The following DOCK3 variants were observed in gnomAD, a reference collection of about 807,000 sequenced individuals.
DOCK3 encodes the protein dedicator of cytokinesis protein 3.
In DOCK3, 60 loss-of-function variants were observed where a neutral mutation model predicts 265.6. The observed-to-expected ratio is 0.23, with a 90% CI of 0.18 to 0.28. DOCK3 has a LOEUF of 0.28. DOCK3 is among the 10% of genes least tolerant of loss of function. The pLI, the probability that DOCK3 is intolerant of heterozygous loss-of-function variation, is 1.00. For missense variants in DOCK3, 1,981 were observed against 2,594.3 expected (o/e 0.76, Z 5.14); for synonymous variants, 881 against 938.0 (o/e 0.94, Z 1.11).
At chr3:51,115,641 A>G (rs1364065908) in intron 9 of DOCK3, among the ~76,000 whole-genome samples, 1 of 152,094 alleles carries the variant, frequency 6.6e-6, no homozygotes, top group African/African-American at 2.4e-5. Context: ...GAAGCTCTTT[A>G]GCTTAATTAG....
intron 12 of DOCK3, among the ~76,000 whole-genome samples, chr3:51,205,028 AG>A (rs2089094548): frequency 7.3e-6 from 1 of 137,636 alleles, no homozygotes; most frequent in Admixed American, 7.1e-5. Context: ...GGGTGGGGGT[AG>A]GGGGGAGGGA....
At chr3:51,353,962 C>T (rs770790622) in intron 40 of DOCK3, among the ~76,000 whole-genome samples, 7 of 152,184 alleles carry the variant, frequency 4.6e-5, no homozygotes, top group Non-Finnish European at 1.0e-4. Context: ...GCAGAGCAAG[C>T]AGAGTTGGGG....
At chr3:51,084,024 A>C (rs1343808906) in intron 7 of DOCK3, among the ~76,000 whole-genome samples, 4 of 152,156 alleles carry the variant, frequency 2.6e-5, no homozygotes, top group Non-Finnish European at 4.4e-5. Context: ...CTGAATCTGA[A>C]GACAGGTTTT....
intron 1 of DOCK3, among the ~76,000 whole-genome samples, chr3:50,695,074 A>G (rs2035525717): frequency 1.3e-5 from 2 of 152,204 alleles, no homozygotes; most frequent in South Asian, 2.1e-4. Context: ...AAATAATGCA[A>G]TCTTTTTAGA....
intron 12 of DOCK3, among the ~76,000 whole-genome samples, chr3:51,191,756 G>T (rs535606497): frequency 6.6e-6 from 1 of 151,864 alleles, no homozygotes; most frequent in East Asian, 2.0e-4. Flanking sequence ...TGGAAGAGAC[G>T]TGCTGACACT....
At chr3:51,259,624 T>C (rs1468388198) in intron 22 of DOCK3, among the ~76,000 whole-genome samples, 3 of 152,220 alleles carry the variant, frequency 2.0e-5, no homozygotes, top group African/African-American at 7.2e-5. Flanking sequence ...CTGTGCAGCC[T>C]GGGACAGGTT....
At chr3:51,237,700 A>T (rs556672641) in intron 21 of DOCK3, 110 bp downstream of exon 21, 2 of 929,854 alleles carry the variant, frequency 2.2e-6, no homozygotes, top group Non-Finnish European at 1.6e-6. Context: ...CTTTTTAAAA[A>T]TTTTATATTT....
intron 1 of DOCK3, among the ~76,000 whole-genome samples, chr3:50,707,252 A>T (rs542077338): frequency 1.8e-4 from 28 of 151,838 alleles, no homozygotes; most frequent in African/African-American, 6.8e-4. Context: ...CCTGGCCAAC[A>T]CGGTAAAACC....
At chr3:51,372,336 G>A (rs1024636648) in intron 49 of DOCK3, among the ~76,000 whole-genome samples, 2 of 152,348 alleles carry the variant, frequency 1.3e-5, no homozygotes, top group Admixed American at 6.5e-5. Flanking sequence ...CCATGGGATT[G>A]GCTGCCCAGG....
intron 4 of DOCK3, among the ~76,000 whole-genome samples, chr3:50,907,396 T>G (rs1007142865): frequency 6.6e-6 from 1 of 152,072 alleles, no homozygotes; most frequent in African/African-American, 2.4e-5. Flanking sequence ...CTAAGTCTCT[T>G]TGTAGGTCTC....
At chr3:50,683,531 T>C (rs2034558429) in intron 1 of DOCK3, among the ~76,000 whole-genome samples, 1 of 152,232 alleles carries the variant, frequency 6.6e-6, no homozygotes, top group Non-Finnish European at 1.5e-5. Context: ...GCAGATTATC[T>C]GTATGAACAT....
chr3:50,968,791 C>T (rs1411594880), intron 5 of DOCK3, among the ~76,000 whole-genome samples: 2 of 152,180 alleles, frequency 1.3e-5, no homozygotes, highest in African/African-American at 2.4e-5. Flanking sequence ...CTCAAGTGAT[C>T]CACGTGCCTC....
intron 4 of DOCK3, among the ~76,000 whole-genome samples, chr3:50,927,855 G>GA (rs2050845444): frequency 6.6e-6 from 1 of 151,890 alleles, no homozygotes; most frequent in Non-Finnish European, 1.5e-5. Context: ...AACAGAGAAG[G>GA]AAAAAAATAA....
chr3:50,779,155 T>C (rs966668834), intron 2 of DOCK3, among the ~76,000 whole-genome samples: 1 of 152,206 alleles, frequency 6.6e-6, no homozygotes, highest in African/African-American at 2.4e-5. Flanking sequence ...CAATAAATTA[T>C]TGCTGACTGT....
intron 2 of DOCK3, among the ~76,000 whole-genome samples, chr3:50,793,535 T>C (rs1319050049): frequency 3.3e-5 from 5 of 152,052 alleles, no homozygotes; most frequent in Non-Finnish European, 7.4e-5. Context: ...TTTTGTATTT[T>C]TTAGTAGAGA....
intron 50 of DOCK3, 74 bp from the exon 51 acceptor site, chr3:51,375,674 G>T (rs1251684765): frequency 2.0e-6 from 3 of 1,536,258 alleles, no homozygotes; most frequent in African/African-American, 2.7e-5. Context: ...CCTGTCTCTC[G>T]TCGCCCACAA....
chr3:51,312,958 TAG>T lies in DOCK3; in HGVS notation c.3253+57_3253+58del. On this transcript the variant is annotated intron_variant, in intron 31 of 52. Coordinates refer to ENST00000266037, the MANE Select transcript of DOCK3 (RefSeq NM_004947.5). ...ATATATTGCATAGCCAAATAGAAAG[TAG>T]CAAGACTAATAACATCTCCCAGGCT... The T allele has an allele frequency of 2.0e-6, 3 of 1,466,572 alleles. No homozygotes were observed. In the South Asian group the frequency reaches 3.6e-5, roughly 18 times the overall value. 90.8% of individuals were successfully genotyped at this position (1,466,572 alleles called of 1,614,324 possible).
intron 12 of DOCK3, among the ~76,000 whole-genome samples, chr3:51,181,317 A>G (rs935581139): frequency 7.1e-5 from 8 of 111,914 alleles, no homozygotes; most frequent in African/African-American, 1.8e-4. Context: ...GCCCTGGTGT[A>G]TGATGTTCCC....
At chr3:50,862,422 G>A (rs1214290194) in intron 3 of DOCK3, among the ~76,000 whole-genome samples, 1 of 152,216 alleles carries the variant, frequency 6.6e-6, no homozygotes, top group Admixed American at 6.5e-5. Context: ...TTAAGAGTAA[G>A]AGCTGGTTCT....
Sources: allele counts gnomAD v4.1 joint callset (sites outside exome capture counted in the v4.1 genomes callset), GRCh38; gene constraint gnomAD v4.1.1; transcripts MANE v1.5; gene names NCBI Gene and HGNC (gene_info 2026-07-23, HGNC 2026-07-21).